ESYT3: variants seen among roughly 807,000 people sequenced by gnomAD.
ESYT3 encodes the protein extended synaptotagmin-3.
A neutral mutation model predicts 111.5 loss-of-function variants in ESYT3; 101 were observed. The ratio of observed to expected loss-of-function variants is 0.91; its 90% CI spans 0.77 to 1.07. ESYT3 has a LOEUF of 1.07. ESYT3 is among the 50% of genes least tolerant of loss of function. The probability of loss-of-function intolerance (pLI) is 0.00; values close to 1 mark genes in which losing one functional copy is unlikely to be tolerated. For missense variants in ESYT3, 1,097 were observed against 1,109.4 expected (o/e 0.99, Z 0.16); for synonymous variants, 416 against 446.8 (o/e 0.93, Z 0.87).
Position 138,468,892 on chromosome 3 carries a change from A to G in ESYT3, c.1434+11A>G. 6.2e-7 allele frequency: 1 copy of G among 1,614,118 alleles called. No homozygotes were observed. On this transcript the variant is annotated intron_variant, in intron 14 of 22. Transcript: ENST00000389567. ...TCCAGGTTTGCCAGAGTGAGTGAGT[A>G]TGTGGCTAAAAACTCCAGGGAGGGC... is the stretch of plus-strand genomic sequence containing the variant.
intron 2 of ESYT3, among the ~76,000 whole-genome samples, chr3:138,453,792 T>A (rs569602348): frequency 9.2e-5 from 14 of 152,300 alleles, no homozygotes; most frequent in Admixed American, 2.6e-4. Flanking sequence ...TCACTCCTCT[T>A]AAAGCAGCAA....
At position 138,478,702 on chromosome 3, in the gene ESYT3, G is replaced by A. The variant is rs1386329814; in HGVS notation, c.*1848G>A. ...TGAAGAGGAGTTAAAATGTTGAAGGGAACCAGAATTTTAGTACACAGCAGA... is the reference window on the plus strand; with the variant it reads ...TGAAGAGGAGTTAAAATGTTGAAGGAAACCAGAATTTTAGTACACAGCAGA... On this transcript the variant is annotated 3_prime_UTR_variant, in exon 23 of 23. Coordinates refer to ENST00000389567, the MANE Select transcript of ESYT3 (RefSeq NM_031913.5). 1 of 152,160 alleles carries A rather than the reference G, an allele frequency of 6.6e-6. No individual in the cohort carries two copies. Among genetic ancestry groups the A allele is most frequent in the Non-Finnish European group, 1.5e-5 (1 of 68,050 alleles). The allele number at this position is 152,160 out of a possible 1,614,324, so 9.4% of individuals were successfully genotyped here.
At chr3:138,458,444 G>T (rs890199162) in intron 4 of ESYT3, among the ~76,000 whole-genome samples, 1 of 152,184 alleles carries the variant, frequency 6.6e-6, no homozygotes, top group Non-Finnish European at 1.5e-5. Flanking sequence ...GGCAGCCCCC[G>T]GGGTCCCCAT....
In ESYT3 at chr3:138,469,520, G is replaced by GT. The variant is rs1169077333; in HGVS notation, c.1503+17dup. 1.2e-6 allele frequency: 2 copies of GT among 1,610,984 alleles called. No homozygotes were observed. The highest frequency in any genetic ancestry group is 1.3e-5 in the African/African-American group (1 of 74,862). On this transcript the variant is annotated intron_variant, in intron 15 of 22. Transcript: ENST00000389567. Reference sequence around the variant, plus strand: ...TACAAGTAAGGTAAGACAGCTTGGTGTGTAGCCCTGGGGTAAGGAAACAAG... The same window carrying GT: ...TACAAGTAAGGTAAGACAGCTTGGTGTTGTAGCCCTGGGGTAAGGAAACAAG...
intron 20 of ESYT3, among the ~76,000 whole-genome samples, chr3:138,475,135 A>T (rs12630060): frequency 1.3e-5 from 2 of 152,096 alleles, no homozygotes; most frequent in African/African-American, 4.8e-5. Context: ...TGAGGAAGAG[A>T]GACTATTCAT....
rs2032775878 is a variant in ESYT3 at position 138,463,760 on chromosome 3, C to G, written c.916-585C>G. Among the ~76,000 whole-genome samples, 3 of 152,306 alleles carry G rather than the reference C, an allele frequency of 2.0e-5. No individual in the cohort carries two copies. In the South Asian group the frequency reaches 6.2e-4, roughly 32 times the overall value. ...CCATGAACTATGCCTTTCCTAATTC[C>G]TGTGCTCCAGTCTTTATTAACAGAG... On this transcript the variant is annotated intron_variant, in intron 8 of 22. Transcript: ENST00000389567.
At chr3:138,450,767 C>T (rs1021132010) in intron 1 of ESYT3, among the ~76,000 whole-genome samples, 11 of 152,200 alleles carry the variant, frequency 7.2e-5, no homozygotes, top group Admixed American at 6.5e-5. Context: ...AGGGCAACCC[C>T]AAAGCTGGCT....
rs1474232457 is a variant in ESYT3 at position 138,453,382 on chromosome 3, G to A, written c.369+1293G>A. Among the ~76,000 whole-genome samples the A allele has an allele frequency of 1.5e-4, 23 of 152,312 alleles. 1 individual carries two copies. Among genetic ancestry groups the A allele is most frequent in the East Asian group, 1.4e-3 (7 of 5,184 alleles). ...GGTAAACCACATACTAGGGCACCGA[G>A]TGTGTCCTAACAAGCTTTAAACTCA... On this transcript the variant is annotated intron_variant, in intron 2 of 22. Transcript: ENST00000389567.
chr3:138,476,317 G>C lies in ESYT3; in HGVS notation c.2563G>C (p.Glu855Gln). 6.2e-7 allele frequency: 1 copy of C among 1,612,892 alleles called. No individual in the cohort carries two copies. ...SRPLGSHRRK[E>Q]LGKVLIDLSK... ...GCCACTTGGCTCACACAGAAGAAAG[G>C]AGTTAGGAAAAGTAAGTACAAGAGA... is the stretch of plus-strand genomic sequence containing the variant. The change falls in exon 21 of 23, where the codon GAG becomes CAG. Residue 855 changes from glutamate (E) to glutamine (Q), a missense_variant. Coordinates refer to ENST00000389567, the MANE Select transcript of ESYT3 (RefSeq NM_031913.5).
intron 4 of ESYT3, among the ~76,000 whole-genome samples, chr3:138,458,447 G>C (rs1027877169): frequency 6.6e-6 from 1 of 152,196 alleles, no homozygotes; most frequent in African/African-American, 2.4e-5. Context: ...AGCCCCCGGG[G>C]TCCCCATCTT....
intron 1 of ESYT3, among the ~76,000 whole-genome samples, chr3:138,436,599 AC>A (rs1351624366): frequency 1.3e-5 from 2 of 152,198 alleles, no homozygotes; most frequent in East Asian, 3.9e-4. Context: ...ATAAGGGTGC[AC>A]ACTTTTCTAC....
intron 12 of ESYT3, 91 bp downstream of exon 12, chr3:138,468,285 G>GC (rs2033037185): frequency 2.5e-6 from 3 of 1,213,190 alleles, no homozygotes; most frequent in Non-Finnish European, 3.6e-6. Flanking sequence ...GGGAGATGAT[G>GC]CCCCCTTCTT....
Position 138,470,110 on chromosome 3 carries a change from T to G in ESYT3, c.1554T>G (p.Phe518Leu). Residue 518 changes from phenylalanine (F) to leucine (L), a missense_variant, in exon 16 of 23, where the codon TTT becomes TTG. Phe to Leu is a conservative substitution (Grantham distance 22, BLOSUM62 0). Coordinates refer to ENST00000389567, the MANE Select transcript of ESYT3 (RefSeq NM_031913.5). ...DPVWSQVFSFFVHNVATERLH... is the reference protein window; with the variant it reads ...DPVWSQVFSFLVHNVATERLH... ...TGTGGAGCCAGGTGTTCTCCTTCTT[T>G]GTGCACAATGTGGCCACTGAGCGGC... The G allele has an allele frequency of 6.2e-7, 1 of 1,613,094 alleles. No individual in the cohort carries two copies. The highest frequency in any genetic ancestry group is 8.5e-7 in the Non-Finnish European group (1 of 1,179,308).
intron 15 of ESYT3, among the ~76,000 whole-genome samples, 198 bp from the exon 16 acceptor site, chr3:138,469,862 C>G (rs974857637): frequency 6.6e-6 from 1 of 152,126 alleles, no homozygotes; most frequent in Non-Finnish European, 1.5e-5. Flanking sequence ...CGTAAAAATT[C>G]CTGGCAAACC....
chr3:138,449,764 C>G (rs965235541), intron 1 of ESYT3, among the ~76,000 whole-genome samples: 1 of 152,224 alleles, frequency 6.6e-6, no homozygotes, highest in Non-Finnish European at 1.5e-5. Context: ...GCTCCCTCTT[C>G]CCACCTTAGT....
In ESYT3 at chr3:138,470,430, A is replaced by C. The variant is rs567322854; in HGVS notation, c.1590+284A>C. On this transcript the variant is annotated intron_variant, in intron 16 of 22. Transcript: ENST00000389567. ...ACAGTACCCAGAGCAGCCTATCTACACAGGACATTAATAATGGTGTACTTT... is the reference window on the plus strand; with the variant it reads ...ACAGTACCCAGAGCAGCCTATCTACCCAGGACATTAATAATGGTGTACTTT... 406 of 1,147,080 alleles carry C rather than the reference A, an allele frequency of 3.5e-4. 2 individuals carry two copies. Among genetic ancestry groups the C allele is most frequent in the Non-Finnish European group, 4.2e-4 (391 of 929,136 alleles). The allele number at this position is 1,147,080 out of a possible 1,614,324, so 71.1% of individuals were successfully genotyped here.
intron 2 of ESYT3, among the ~76,000 whole-genome samples, chr3:138,453,773 G>A (rs1242234954): frequency 6.6e-6 from 1 of 152,182 alleles, no homozygotes; most frequent in Non-Finnish European, 1.5e-5. Flanking sequence ...TGAATCCCCA[G>A]AAACCCAGTC....
chr3:138,474,318 A>G lies in ESYT3; in HGVS notation c.2434A>G (p.Lys812Glu). ...KWACRKKTSV[K>E]RKTLEPLFDE... ...GGCATGTCGTAAGAAGACTTCAGTG[A>G]AGCGGAAGACCTTGGAACCCCTGTT... The change falls in exon 20 of 23, where the codon AAG (lysine) becomes GAG (glutamate). Residue 812 changes from lysine to glutamate, a missense_variant. Lys to Glu is a moderately conservative substitution (Grantham distance 56). Coordinates refer to ENST00000389567, the MANE Select transcript of ESYT3 (RefSeq NM_031913.5). 6.2e-7 allele frequency: 1 copy of G among 1,604,648 alleles called. No individual in the cohort carries two copies. The highest frequency in any genetic ancestry group is 1.1e-5 in the South Asian group (1 of 88,332).
At chr3:138,445,429 T>C (rs1229686648) in intron 1 of ESYT3, among the ~76,000 whole-genome samples, 3 of 152,244 alleles carry the variant, frequency 2.0e-5, no homozygotes, top group Admixed American at 1.3e-4. Flanking sequence ...GGCCCAGCTC[T>C]CTGCGGCTGT....
Sources: gnomAD v4.1 joint callset for allele counts (sites outside exome capture counted in the v4.1 genomes callset) on GRCh38, gnomAD v4.1.1 for gene constraint, MANE v1.5 for transcripts, NCBI Gene and HGNC (gene_info 2026-07-23, HGNC 2026-07-21) for gene names.